The following PRKD1 variants were observed in gnomAD, a reference collection of about 807,000 sequenced individuals.
PRKD1 encodes the protein protein kinase D1.
Under a neutral mutation model 95.9 loss-of-function variants are expected in PRKD1, and 63 were observed. The ratio of observed to expected loss-of-function variants is 0.66; its 90% CI spans 0.54 to 0.81. PRKD1 has a LOEUF of 0.81. PRKD1 is among the 30% of genes least tolerant of loss of function. The probability of loss-of-function intolerance (pLI) is 0.00; values close to 1 mark genes in which losing one functional copy is unlikely to be tolerated. For synonymous variants in PRKD1, 425 were observed against 423.1 expected (o/e 1.00, Z -0.05); for missense variants, 1,048 against 1,165.3 (o/e 0.90, Z 1.47).
intron 1 of PRKD1, among the ~76,000 whole-genome samples, chr14:29,799,747 T>C (rs1889951844): frequency 6.6e-6 from 1 of 152,246 alleles, no homozygotes; most frequent in African/African-American, 2.4e-5. Flanking sequence ...AATGTATTTA[T>C]GACACCAAAA....
intron 13 of PRKD1, among the ~76,000 whole-genome samples, chr14:29,601,756 A>T (rs1440659361): frequency 4.6e-5 from 7 of 152,214 alleles, no homozygotes; most frequent in Admixed American, 4.6e-4. Flanking sequence ...GGCACTATGG[A>T]ACATGTGATA....
intron 16 of PRKD1, among the ~76,000 whole-genome samples, chr14:29,597,238 A>C (rs2139006196): frequency 6.6e-6 from 1 of 152,256 alleles, no homozygotes; most frequent in South Asian, 2.1e-4. Context: ...AGGTATAAGT[A>C]TTTATAAGTT....
intron 11 of PRKD1, among the ~76,000 whole-genome samples, chr14:29,627,344 G>A (rs1021109678): frequency 6.6e-6 from 1 of 152,198 alleles, no homozygotes; most frequent in Non-Finnish European, 1.5e-5. Flanking sequence ...AGAAGAGGAG[G>A]CTGAATCACT....
At chr14:29,582,262 A>G (rs1338667192) in intron 16 of PRKD1, among the ~76,000 whole-genome samples, 1 of 152,202 alleles carries the variant, frequency 6.6e-6, no homozygotes, top group Non-Finnish European at 1.5e-5. Flanking sequence ...AATTTTGTCA[A>G]GGATAAATAC....
Position 29,684,043 on chromosome 14 carries a change from G to T in PRKD1, c.404-17835C>A, listed in dbSNP as rs779268714. ...GCCGTGGGATTTCCTTAGCTAAAAT[G>T]TCCCTCACACTCTTCAAAACCAGCC... is the stretch of plus-strand genomic sequence containing the variant. On this transcript the variant is annotated intron_variant, in intron 2 of 17. Coordinates refer to ENST00000331968, the MANE Select transcript of PRKD1 (RefSeq NM_002742.3). Among the ~76,000 whole-genome samples, 17 of 152,000 alleles carry T rather than the reference G, an allele frequency of 1.1e-4. 1 individual carries two copies. The highest frequency in any genetic ancestry group is 1.6e-4 in the Non-Finnish European group (11 of 68,018).
intron 1 of PRKD1, among the ~76,000 whole-genome samples, chr14:29,917,511 T>C (rs1028945646): frequency 1.3e-5 from 2 of 152,202 alleles, no homozygotes; most frequent in Non-Finnish European, 2.9e-5. Flanking sequence ...GCTCATGTAA[T>C]GATACATGGA....
intron 1 of PRKD1, among the ~76,000 whole-genome samples, chr14:29,833,141 G>T (rs1371938695): frequency 1.3e-5 from 2 of 152,098 alleles, no homozygotes; most frequent in African/African-American, 4.8e-5. Flanking sequence ...TATCTCAAAA[G>T]GTTAGGGTAA....
chr14:29,792,405 T>C (rs975581709), intron 1 of PRKD1, among the ~76,000 whole-genome samples: 1 of 152,140 alleles, frequency 6.6e-6, no homozygotes, highest in African/African-American at 2.4e-5. Context: ...GATGAGATAC[T>C]GCTTTGGTGT....
chr14:29,810,595 AG>A (rs1461983091), intron 1 of PRKD1, among the ~76,000 whole-genome samples: 4 of 152,250 alleles, frequency 2.6e-5, no homozygotes, highest in African/African-American at 7.2e-5. Context: ...AGGCCTATTT[AG>A]GATTTATTTC....
At position 29,679,428 on chromosome 14, in the gene PRKD1, T is replaced by C. The variant is rs45451794; in HGVS notation, c.404-13220A>G. Among the ~76,000 whole-genome samples, 100 of 152,344 alleles carry C rather than the reference T, an allele frequency of 6.6e-4. 2 individuals carry two copies. The East Asian group carries it at 0.017, about 26-fold the overall frequency. On this transcript the variant is annotated intron_variant, in intron 2 of 17. Coordinates refer to ENST00000331968, the MANE Select transcript of PRKD1 (RefSeq NM_002742.3). ...CTTCCACATTTACAGTGACATTCTCTGGATTATTTTGACACTCAGCATGAT... is the reference window on the plus strand; with the variant it reads ...CTTCCACATTTACAGTGACATTCTCCGGATTATTTTGACACTCAGCATGAT...
chr14:29,820,864 T>C (rs2139269040), intron 1 of PRKD1, among the ~76,000 whole-genome samples: 1 of 152,190 alleles, frequency 6.6e-6, no homozygotes, highest in South Asian at 2.1e-4. Flanking sequence ...TGAGACAACA[T>C]CAACAAGGAA....
At chr14:29,623,613 ATTTT>A (rs1879421440) in intron 13 of PRKD1, among the ~76,000 whole-genome samples, 1 of 152,190 alleles carries the variant, frequency 6.6e-6, no homozygotes. Context: ...CACATAATAC[ATTTT>A]ATTATCAAAT....
intron 2 of PRKD1, among the ~76,000 whole-genome samples, chr14:29,675,996 G>T (rs1268374075): frequency 3.3e-5 from 4 of 122,966 alleles, no homozygotes; most frequent in East Asian, 3.0e-4. Context: ...GGGGGTGGGG[G>T]GAGGGATAAC....
chr14:29,600,127 C>T (rs1361823995), intron 13 of PRKD1, among the ~76,000 whole-genome samples: 1 of 152,134 alleles, frequency 6.6e-6, no homozygotes, highest in Non-Finnish European at 1.5e-5. Flanking sequence ...TTCTTAGGAT[C>T]ATCCCCAATA....
intron 1 of PRKD1, among the ~76,000 whole-genome samples, chr14:29,890,801 A>G (rs1893912258): frequency 1.3e-5 from 2 of 152,230 alleles, no homozygotes; most frequent in African/African-American, 4.8e-5. Flanking sequence ...TTGACACTGC[A>G]TACCCTTAAC....
intron 16 of PRKD1, among the ~76,000 whole-genome samples, chr14:29,587,910 T>C (rs1892992018): frequency 6.6e-6 from 1 of 152,212 alleles, no homozygotes; most frequent in African/African-American, 2.4e-5. Flanking sequence ...CTGACCACCA[T>C]AATTCACTTT....
chr14:29,779,120 T>C (rs1888913386), intron 1 of PRKD1, among the ~76,000 whole-genome samples: 1 of 152,178 alleles, frequency 6.6e-6, no homozygotes, highest in Admixed American at 6.5e-5. Flanking sequence ...ATAAATTAGG[T>C]ATTGATGAGA....
rs139642492 is a variant in PRKD1, at chr14:29,778,385, C to T, written c.265-52711G>A. On this transcript the variant is annotated intron_variant, in intron 1 of 17. Coordinates refer to ENST00000331968, the MANE Select transcript of PRKD1 (RefSeq NM_002742.3). ...AAAAGATCAAAAAAAATTGATAGAC[C>T]ACTAGCAAGATTAACAAAGAAGAAA... Among the ~76,000 whole-genome samples, 581 of 152,080 alleles carry T rather than the reference C, an allele frequency of 3.8e-3. 4 individuals carry two copies. Among genetic ancestry groups the T allele is most frequent in the African/African-American group, 0.013 (538 of 41,460 alleles).
At chr14:29,800,870 T>C (rs1889999420) in intron 1 of PRKD1, among the ~76,000 whole-genome samples, 2 of 152,166 alleles carry the variant, frequency 1.3e-5, no homozygotes, top group Non-Finnish European at 2.9e-5. Flanking sequence ...GGTCCCTTCA[T>C]GATAAGACCC....
Sources: gnomAD v4.1 joint callset for allele counts (sites outside exome capture counted in the v4.1 genomes callset) on GRCh38, gnomAD v4.1.1 for gene constraint, MANE v1.5 for transcripts, NCBI Gene and HGNC (gene_info 2026-07-23, HGNC 2026-07-21) for gene names.